The following TRHDE variants were observed in gnomAD, a reference collection of about 807,000 sequenced individuals.
TRHDE encodes thyrotropin-releasing hormone-degrading ectoenzyme.
Under a neutral mutation model 125.7 loss-of-function variants are expected in TRHDE, and 72 were observed. The observed-to-expected ratio is 0.57, with a 90% confidence interval of 0.47 to 0.70. The LOEUF (loss-of-function observed/expected upper bound fraction) is 0.70. Among genes scored for constraint, TRHDE ranks in the 30% least tolerant of loss-of-function variants. The probability of loss-of-function intolerance (pLI) is 0.00; values close to 1 mark genes in which losing one functional copy is unlikely to be tolerated. For synonymous variants in TRHDE, 509 were observed against 509.1 expected (o/e 1.00, Z 0.00); for missense variants, 1,110 against 1,327.1 (o/e 0.84, Z 2.54).
At chr12:72,184,076 G>C (rs1339835290) in intron 2 of TRHDE, among the ~76,000 whole-genome samples, 1 of 152,180 alleles carries the variant, frequency 6.6e-6, no homozygotes, top group African/African-American at 2.4e-5. Flanking sequence ...CAACACAAAT[G>C]TAGGCAAGTA....
chr12:72,641,803 T>C (rs1321778754), intron 15 of TRHDE, among the ~76,000 whole-genome samples: 2 of 152,208 alleles, frequency 1.3e-5, no homozygotes, highest in Admixed American at 6.5e-5. Context: ...TATGATTTAG[T>C]TTCATTCCAC....
intron 3 of TRHDE, among the ~76,000 whole-genome samples, chr12:72,457,554 C>T (rs1436005856): frequency 6.6e-6 from 1 of 151,704 alleles, no homozygotes; most frequent in Non-Finnish European, 1.5e-5. Context: ...CTTTGGGTAT[C>T]GGCGTTTTTT....
chr12:72,168,243 G>T (rs1291061343), intron 2 of TRHDE, among the ~76,000 whole-genome samples: 1 of 152,168 alleles, frequency 6.6e-6, no homozygotes, highest in Admixed American at 6.5e-5. Context: ...TTTCTAGAAT[G>T]AAAGGTTGAC....
chr12:72,653,344 A>G (rs1874584042), intron 17 of TRHDE, among the ~76,000 whole-genome samples, 188 bp downstream of exon 17: 1 of 152,104 alleles, frequency 6.6e-6, no homozygotes, highest in South Asian at 2.1e-4. Flanking sequence ...CATTTATTAA[A>G]ATTGATAAAC....
intron 2 of TRHDE, among the ~76,000 whole-genome samples, chr12:72,143,023 C>T (rs1489491697): frequency 6.6e-6 from 1 of 152,130 alleles, no homozygotes; most frequent in Admixed American, 6.5e-5. Context: ...GCCCTCTGCC[C>T]TTGTGAAAAG....
intron 6 of TRHDE, among the ~76,000 whole-genome samples, chr12:72,518,038 G>A (rs11179235): frequency 0.35 from 46,868 of 134,104 alleles, 10,397 homozygotes; most frequent in African/African-American, 0.61. Context: ...GTTCTTTTAC[G>A]TTTGCTGAGG....
intron 5 of TRHDE, among the ~76,000 whole-genome samples, chr12:72,478,215 G>A (rs1422058104): frequency 6.6e-6 from 1 of 152,100 alleles, no homozygotes; most frequent in Non-Finnish European, 1.5e-5. Flanking sequence ...GAAATTTAAA[G>A]GCTTCTTAGG....
intron 2 of TRHDE, among the ~76,000 whole-genome samples, chr12:72,242,531 T>C (rs979820968): frequency 6.6e-6 from 1 of 152,140 alleles, no homozygotes; most frequent in African/African-American, 2.4e-5. Flanking sequence ...TTTTGGGTGC[T>C]GTAGGGTGCT....
chr12:72,633,007 T>A (rs569690057), intron 15 of TRHDE, among the ~76,000 whole-genome samples: 1 of 152,210 alleles, frequency 6.6e-6, no homozygotes, highest in African/African-American at 2.4e-5. Flanking sequence ...CCCAGCTACT[T>A]AACGTTCATC....
chr12:72,335,161 T>G (rs943541148), intron 2 of TRHDE, among the ~76,000 whole-genome samples: 1 of 152,172 alleles, frequency 6.6e-6, no homozygotes, highest in Non-Finnish European at 1.5e-5. Context: ...TCAAAATGGA[T>G]GCTGAGGCAA....
At chr12:72,258,332 G>T (rs1401504674) in intron 2 of TRHDE, 1 of 152,132 alleles carries the variant, frequency 6.6e-6, no homozygotes, top group African/African-American at 2.4e-5. Context: ...GTGCCTACAG[G>T]ATGCCAACAG....
intron 2 of TRHDE, among the ~76,000 whole-genome samples, chr12:72,176,311 C>A (rs1184316357): frequency 3.9e-5 from 6 of 152,258 alleles, no homozygotes. Context: ...GTGGAGGTTG[C>A]AGCGAGCCAA....
chr12:72,195,111 A>G (rs1047885732), intron 2 of TRHDE, among the ~76,000 whole-genome samples: 1 of 152,084 alleles, frequency 6.6e-6, no homozygotes, highest in Non-Finnish European at 1.5e-5. Flanking sequence ...AGCCCCTCAT[A>G]AAACCATCAG....
At chr12:72,143,686 C>A (rs1876167373) in intron 2 of TRHDE, among the ~76,000 whole-genome samples, 1 of 151,906 alleles carries the variant, frequency 6.6e-6, no homozygotes, top group Admixed American at 6.6e-5. Context: ...TTGTTCTGAC[C>A]CCTTTGGCAG....
intron 3 of TRHDE, among the ~76,000 whole-genome samples, chr12:72,412,351 T>TAG (rs1223983761): frequency 6.6e-6 from 1 of 152,144 alleles, no homozygotes; most frequent in African/African-American, 2.4e-5. Flanking sequence ...TATTAATAAT[T>TAG]AGAGAAATAA....
chr12:72,530,570 C>CTTTTTTTT (rs1868499910), intron 6 of TRHDE, among the ~76,000 whole-genome samples: 1 of 148,204 alleles, frequency 6.7e-6, no homozygotes. Context: ...TTGTCTTCTT[C>CTTTTTTTT]ATCTATTCTT....
chr12:72,525,634 T>TGTGA (rs1431758592), intron 6 of TRHDE, among the ~76,000 whole-genome samples: 10 of 98,842 alleles, frequency 1.0e-4, no homozygotes, highest in Admixed American at 1.9e-4. Context: ...TGTGTGTGTG[T>TGTGA]GAGAGAGAGA....
chr12:72,361,060 A>T (rs1019067846), intron 2 of TRHDE, among the ~76,000 whole-genome samples: 1 of 151,768 alleles, frequency 6.6e-6, no homozygotes, highest in Non-Finnish European at 1.5e-5. Context: ...GCTCCCACTT[A>T]TAAGTGAGAA....
intron 2 of TRHDE, among the ~76,000 whole-genome samples, chr12:72,168,810 T>A (rs180685601): frequency 6.6e-6 from 1 of 152,292 alleles, no homozygotes; most frequent in Non-Finnish European, 1.5e-5. Context: ...TTTAATTTAG[T>A]CCAAATGTAG....
Sources: gnomAD v4.1 joint callset for allele counts (sites outside exome capture counted in the v4.1 genomes callset) on GRCh38, gnomAD v4.1.1 for gene constraint, MANE v1.5 for transcripts, NCBI Gene and HGNC (gene_info 2026-07-23, HGNC 2026-07-21) for gene names.